Variants in ZBTB20 observed in about 807,000 individuals in gnomAD.
ZBTB20 encodes zinc finger and BTB domain-containing protein 20.
A neutral mutation model predicts 56.9 loss-of-function variants in ZBTB20; 9 were observed. The observed-to-expected ratio is 0.16, with a 90% CI of 0.10 to 0.28. The LOEUF (loss-of-function observed/expected upper bound fraction) is 0.28. Among genes scored for constraint, ZBTB20 ranks in the 10% least tolerant of loss-of-function variants. The pLI, the probability that ZBTB20 is intolerant of heterozygous loss-of-function variation, is 1.00. For synonymous variants in ZBTB20, 417 were observed against 420.7 expected (o/e 0.99, Z 0.11); for missense variants, 655 against 1,003.0 (o/e 0.65, Z 4.69).
intron 6 of ZBTB20, among the ~76,000 whole-genome samples, chr3:114,528,380 G>A (rs796219961): frequency 2.0e-5 from 3 of 151,914 alleles, no homozygotes; most frequent in African/African-American, 7.2e-5. Flanking sequence ...CTGTATATTT[G>A]GACTGTGAAA....
At chr3:115,040,172 A>G (rs754021490) in intron 2 of ZBTB20, among the ~76,000 whole-genome samples, 14 of 152,120 alleles carry the variant, frequency 9.2e-5, no homozygotes, top group Non-Finnish European at 8.8e-5. Flanking sequence ...ATAATGCTGA[A>G]TGACTCACTG....
At chr3:114,379,978 G>A (rs1456759599) in intron 10 of ZBTB20, among the ~76,000 whole-genome samples, 5 of 152,294 alleles carry the variant, frequency 3.3e-5, no homozygotes, top group South Asian at 2.1e-4. Context: ...TGAAAAGAAC[G>A]TGTTTTATGT....
chr3:114,922,023 T>C (rs1047999655), intron 3 of ZBTB20, among the ~76,000 whole-genome samples: 3 of 152,186 alleles, frequency 2.0e-5, no homozygotes, highest in African/African-American at 7.2e-5. Flanking sequence ...GTGGGATTTA[T>C]CTCTGGGATG....
chr3:114,789,274 C>T (rs2070770981), intron 5 of ZBTB20, among the ~76,000 whole-genome samples: 2 of 152,072 alleles, frequency 1.3e-5, no homozygotes, highest in African/African-American at 4.8e-5. Context: ...AATGTTAAAG[C>T]TTTATTATTG....
chr3:114,704,193 G>C (rs1275726115), intron 5 of ZBTB20, among the ~76,000 whole-genome samples: 2 of 152,018 alleles, frequency 1.3e-5, no homozygotes, highest in Admixed American at 6.6e-5. Context: ...TTCAATGTCA[G>C]TTACTGATTT....
intron 6 of ZBTB20, among the ~76,000 whole-genome samples, chr3:114,545,538 TAA>T (rs750719210): frequency 1.3e-5 from 2 of 152,164 alleles, no homozygotes; most frequent in African/African-American, 4.8e-5. Context: ...TTCTCATTTG[TAA>T]ATTAGGGATA....
chr3:115,079,128 C>T (rs1043534555), intron 1 of ZBTB20, among the ~76,000 whole-genome samples: 2 of 152,108 alleles, frequency 1.3e-5, no homozygotes, highest in Admixed American at 1.3e-4. Flanking sequence ...AGTTAGTACA[C>T]TGTTCACTAA....
chr3:114,387,866 A>G (rs916856738), intron 8 of ZBTB20: 11 of 152,260 alleles, frequency 7.2e-5, no homozygotes, highest in Non-Finnish European at 1.2e-4. Flanking sequence ...TATTAGTACT[A>G]TAGAACACAT....
chr3:114,992,488 TA>T (rs1236364821), intron 2 of ZBTB20, among the ~76,000 whole-genome samples: 4 of 151,960 alleles, frequency 2.6e-5, no homozygotes, highest in African/African-American at 9.7e-5. Flanking sequence ...GAATGAAAGC[TA>T]TAAAGGGAAA....
chr3:114,949,472 A>G (rs1406350646), intron 3 of ZBTB20, among the ~76,000 whole-genome samples: 1 of 146,642 alleles, frequency 6.8e-6, no homozygotes, highest in Non-Finnish European at 1.5e-5. Flanking sequence ...TTTGTAACCA[A>G]AAGACAACTA....
intron 6 of ZBTB20, among the ~76,000 whole-genome samples, chr3:114,621,303 A>G (rs2058303232): frequency 6.6e-6 from 1 of 152,324 alleles, no homozygotes; most frequent in South Asian, 2.1e-4. Context: ...GTGTGATAAA[A>G]AGTCAGCTAC....
At chr3:114,880,462 T>C (rs1560355569) in intron 4 of ZBTB20, among the ~76,000 whole-genome samples, 1 of 152,172 alleles carries the variant, frequency 6.6e-6, no homozygotes, top group Non-Finnish European at 1.5e-5. Context: ...TATGAACAAA[T>C]AGATACTTTC....
rs77914966 is a variant in ZBTB20, at chr3:115,067,543, TA to T, written c.-507+3675del. 1.0e-2 allele frequency among the ~76,000 whole-genome samples: 1,305 copies of T among 130,988 alleles called. 5 individuals are homozygous for T. Among genetic ancestry groups the T allele is most frequent in the African/African-American group, 0.025 (905 of 35,848 alleles). 85.9% of individuals were successfully genotyped at this position (130,988 alleles called of 152,430 possible). ...AGACATATGCTATTTGAAAAATCAGTAAAAAAAAAAAAAAAGATGATTCTAT... is the reference window on the plus strand; with the variant it reads ...AGACATATGCTATTTGAAAAATCAGTAAAAAAAAAAAAAAGATGATTCTAT... On this transcript the variant is annotated intron_variant, in intron 2 of 11. Coordinates refer to ENST00000675478, the MANE Select transcript of ZBTB20 (RefSeq NM_001348800.3).
chr3:115,126,633 T>C (rs1358923552), intron 1 of ZBTB20, among the ~76,000 whole-genome samples: 6 of 152,216 alleles, frequency 3.9e-5, no homozygotes, highest in African/African-American at 1.4e-4. Context: ...TAATGAGTTA[T>C]TGAGCTACAG....
intron 1 of ZBTB20, among the ~76,000 whole-genome samples, chr3:115,081,171 C>G (rs1299723960): frequency 1.3e-5 from 2 of 152,060 alleles, no homozygotes; most frequent in African/African-American, 4.8e-5. Flanking sequence ...CTCTTTTTAT[C>G]AAATAATCAT....
At chr3:114,707,833 G>A (rs528485332) in intron 5 of ZBTB20, among the ~76,000 whole-genome samples, 3 of 152,264 alleles carry the variant, frequency 2.0e-5, no homozygotes, top group East Asian at 1.9e-4. Flanking sequence ...CAATCCACCT[G>A]CATATGTGGA....
intron 7 of ZBTB20, among the ~76,000 whole-genome samples, chr3:114,478,456 C>T (rs2041132419): frequency 6.6e-6 from 1 of 152,178 alleles, no homozygotes; most frequent in African/African-American, 2.4e-5. Context: ...AAAAGTAGTA[C>T]TCCATAACAA....
chr3:114,748,306 CTTT>C (rs1560201753), intron 5 of ZBTB20, among the ~76,000 whole-genome samples: 1 of 135,452 alleles, frequency 7.4e-6, no homozygotes, highest in Non-Finnish European at 1.6e-5. Context: ...TTCTTTCTTT[CTTT>C]CTTTCTTTCT....
At chr3:114,759,926 G>A (rs1248273175) in intron 5 of ZBTB20, among the ~76,000 whole-genome samples, 1 of 152,084 alleles carries the variant, frequency 6.6e-6, no homozygotes, top group Non-Finnish European at 1.5e-5. Context: ...GTTTCTGTGT[G>A]GCTCAACCAA....
Sources: gnomAD v4.1 joint callset for allele counts (sites outside exome capture counted in the v4.1 genomes callset) on GRCh38, gnomAD v4.1.1 for gene constraint, MANE v1.5 for transcripts, NCBI Gene and HGNC (gene_info 2026-07-23, HGNC 2026-07-21) for gene names.